The following IGF1R variants were observed in gnomAD, a reference collection of about 807,000 sequenced individuals.
IGF1R encodes the protein insulin-like growth factor 1 receptor.
IGF1R carries 44 observed loss-of-function variants against 144.6 expected under a neutral mutation model. That is an observed-to-expected ratio of 0.30 (90% CI 0.24 to 0.39). IGF1R has a LOEUF of 0.39. Among genes scored for constraint, IGF1R ranks in the 10% least tolerant of loss-of-function variants. IGF1R has a pLI of 1.00. For synonymous variants in IGF1R, 795 were observed against 722.8 expected, an observed-to-expected ratio of 1.10 and a Z score of -1.60; for missense variants, 1,355 against 1,833.7, an observed-to-expected ratio of 0.74 and a Z score of 4.77.
chr15:98,864,498 T>A (rs1228835820), intron 2 of IGF1R, among the ~76,000 whole-genome samples: 1 of 152,180 alleles, frequency 6.6e-6, no homozygotes, highest in African/African-American at 2.4e-5. Flanking sequence ...AAGTTAATGC[T>A]CCCACCTCAG....
chr15:98,924,444 C>T, intron 12 of IGF1R, 81 bp from the exon 13 acceptor site: 1 of 1,333,404 alleles, frequency 7.5e-7, no homozygotes, highest in Non-Finnish European at 1.1e-6. Flanking sequence ...GCTGGAGTCC[C>T]CAGTGTGGTG....
At chr15:98,827,556 T>G (rs1381605334) in intron 2 of IGF1R, among the ~76,000 whole-genome samples, 1 of 152,204 alleles carries the variant, frequency 6.6e-6, no homozygotes, top group Non-Finnish European at 1.5e-5. Context: ...TACCACTTCT[T>G]TTGTAATTGG....
intron 2 of IGF1R, among the ~76,000 whole-genome samples, chr15:98,881,514 G>T (rs1304253134): frequency 6.6e-6 from 1 of 152,172 alleles, no homozygotes; most frequent in African/African-American, 2.4e-5. Flanking sequence ...GTAGAGATCG[G>T]CTTTCACCAT....
Position 98,958,594 on chromosome 15 carries a change from G to A in IGF1R, c.*1152G>A, listed in dbSNP as rs142778685. 3.3e-3 allele frequency: 767 copies of A among 232,832 alleles called. 8 individuals carry two copies. Among genetic ancestry groups the A allele is most frequent in the African/African-American group, 0.016 (715 of 45,384 alleles). The allele number at this position is 232,832 out of a possible 1,614,324, so 14.4% of individuals were successfully genotyped here. ...CTCTGTTCCTAGGACTTCTTCATGG[G>A]TCTTACAGTTCTATGTTAGACCATG... On this transcript the variant is annotated 3_prime_UTR_variant, in exon 21 of 21. Transcript: ENST00000650285.
chr15:98,869,563 G>A (rs1009488829), intron 2 of IGF1R, among the ~76,000 whole-genome samples: 14 of 151,956 alleles, frequency 9.2e-5, no homozygotes, highest in Admixed American at 8.5e-4. Flanking sequence ...AGCCTCCCGA[G>A]TAGCTGGGAT....
Position 98,935,632 on chromosome 15 carries a change from G to A in IGF1R, c.3297+206G>A, listed in dbSNP as rs933939279. ...CTGATCTTCGTGAGGGGAACTTCCT[G>A]TTCCTTGGATCCCCTCTGCTAAGCC... On this transcript the variant is annotated intron_variant, in intron 17 of 20. Transcript: ENST00000650285. The surrounding 1 kb of genome is among the most constrained non-coding windows in gnomAD (Gnocchi z 4.2). 2.0e-5 allele frequency among the ~76,000 whole-genome samples: 3 copies of A among 152,142 alleles called. No homozygotes were observed. The highest frequency in any genetic ancestry group is 7.2e-5 in the African/African-American group (3 of 41,414).
chr15:98,847,417 A>G lies in IGF1R; in HGVS notation c.641-43908A>G, dbSNP rs1018158193. ...GATGTGGGCAGTGTACCATCTGGAA[A>G]GGAAAAGGCTTTGGAGCCAGGTAGT... On this transcript the variant is annotated intron_variant, in intron 2 of 20. Coordinates refer to ENST00000650285, the MANE Select transcript of IGF1R (RefSeq NM_000875.5). Among the ~76,000 whole-genome samples, 6 of 152,324 alleles carry G rather than the reference A, an allele frequency of 3.9e-5. No homozygotes were observed. In the East Asian group the frequency reaches 7.7e-4, roughly 20 times the overall value.
At chr15:98,743,677 A>G (rs1368003075) in intron 2 of IGF1R, among the ~76,000 whole-genome samples, 3 of 152,196 alleles carry the variant, frequency 2.0e-5, no homozygotes, top group African/African-American at 7.2e-5. Flanking sequence ...TCAGTGGGAG[A>G]TTAGTGTAGA....
intron 2 of IGF1R, among the ~76,000 whole-genome samples, chr15:98,728,015 T>G (rs1051214527): frequency 2.0e-5 from 3 of 150,002 alleles, no homozygotes; most frequent in African/African-American, 7.4e-5. Context: ...TTGTTTTTTT[T>G]TTTTTTTTTT....
Position 98,960,812 on chromosome 15 carries a change from T to C in IGF1R, c.*3370T>C. The C allele has an allele frequency of 4.3e-6, 1 of 233,502 alleles. No homozygotes were observed. Among genetic ancestry groups the C allele is most frequent in the East Asian group, 6.0e-5 (1 of 16,578 alleles). 14.5% of individuals were successfully genotyped at this position (233,502 alleles called of 1,614,324 possible). A position where few individuals can be genotyped will look rare whatever the true frequency, so the allele number is the denominator to read the frequency against. Reference sequence around the variant, plus strand: ...CCCCCTCCAGGCTGCCCTCTCAACTTCTCCCTCACCTCCTTCCCTAGGGGT... The same window carrying C: ...CCCCCTCCAGGCTGCCCTCTCAACTCCTCCCTCACCTCCTTCCCTAGGGGT... On this transcript the variant is annotated 3_prime_UTR_variant, in exon 21 of 21. Coordinates refer to ENST00000650285, the MANE Select transcript of IGF1R (RefSeq NM_000875.5).
At chr15:98,897,900 G>T (rs1029977058) in intron 4 of IGF1R, among the ~76,000 whole-genome samples, 2 of 151,562 alleles carry the variant, frequency 1.3e-5, no homozygotes, top group Non-Finnish European at 2.9e-5. Context: ...AGGAATTTTG[G>T]GGGGGGAATC....
intron 2 of IGF1R, among the ~76,000 whole-genome samples, chr15:98,879,095 A>T (rs2013236624): frequency 6.6e-6 from 1 of 152,120 alleles, no homozygotes; most frequent in African/African-American, 2.4e-5. Flanking sequence ...CAGAACGCCG[A>T]AGCAGGGCCG....
intron 10 of IGF1R, among the ~76,000 whole-genome samples, chr15:98,917,592 A>G (rs1247406235): frequency 6.6e-6 from 1 of 152,224 alleles, no homozygotes; most frequent in East Asian, 1.9e-4. Context: ...GTGTACATCA[A>G]CAGGTGAGTG....
intron 3 of IGF1R, among the ~76,000 whole-genome samples, chr15:98,896,083 T>C (rs1458167860): frequency 6.6e-6 from 1 of 152,140 alleles, no homozygotes; most frequent in Non-Finnish European, 1.5e-5. Flanking sequence ...AAACAAGAGC[T>C]CATTACAAAG....
At position 98,803,974 on chromosome 15, in the gene IGF1R, T is replaced by C. The variant is rs141244446; in HGVS notation, c.641-87351T>C. On this transcript the variant is annotated intron_variant, in intron 2 of 20. Transcript: ENST00000650285. ...ATACAGCTGGCAGCACGGGTTTGTT[T>C]GCACCAGCATCCCCACAAACATATG... 4.9e-3 allele frequency among the ~76,000 whole-genome samples: 747 copies of C among 152,372 alleles called. 5 individuals are homozygous for C. The highest frequency in any genetic ancestry group is 0.017 in the African/African-American group (716 of 41,586).
In IGF1R at chr15:98,704,080, C is replaced by T. The variant is rs1185086441; in HGVS notation, c.95-3482C>T. ...GTCCCCAGGGGAAAAAAGACCCTCCCGGCCCCCTTCAGCTGTGATGTGTCT... is the reference window on the plus strand; with the variant it reads ...GTCCCCAGGGGAAAAAAGACCCTCCTGGCCCCCTTCAGCTGTGATGTGTCT... On this transcript the variant is annotated intron_variant, in intron 1 of 20. Coordinates refer to ENST00000650285, the MANE Select transcript of IGF1R (RefSeq NM_000875.5). The surrounding 1 kb of genome is among the most constrained non-coding windows in gnomAD (Gnocchi z 4.9). Among the ~76,000 whole-genome samples, 5 of 152,156 alleles carry T rather than the reference C, an allele frequency of 3.3e-5. No individual in the cohort carries two copies. Among genetic ancestry groups the T allele is most frequent in the South Asian group, 2.1e-4 (1 of 4,816 alleles).
Position 98,896,866 on chromosome 15 carries a change from A to G in IGF1R, c.1063A>G (p.Ile355Val), listed in dbSNP as rs1330907250. ...TGCTCAGATGCTCCAAGGATGCACC[A>G]TCTTCAAGGGCAATTTGCTCATTAA... ...TSAQMLQGCT[I>V]FKGNLLINIR... The change falls in exon 4 of 21, where the codon ATC becomes GTC. Residue 355 changes from isoleucine to valine, a missense_variant. Around this residue, in one of 7 missense-constraint regions of IGF1R, gnomAD observed 880 missense variants for 1,202.7 expected, o/e 0.73. Coordinates refer to ENST00000650285, the MANE Select transcript of IGF1R (RefSeq NM_000875.5). 7 of 1,614,156 alleles carry G rather than the reference A, an allele frequency of 4.3e-6. No individual in the cohort carries two copies. The highest frequency in any genetic ancestry group is 5.9e-6 in the Non-Finnish European group (7 of 1,180,010).
chr15:98,732,188 C>T (rs2054510399), intron 2 of IGF1R, among the ~76,000 whole-genome samples: 1 of 152,098 alleles, frequency 6.6e-6, no homozygotes, highest in African/African-American at 2.4e-5. Context: ...CAAAGTGCCA[C>T]AGGAAGCAGG....
At chr15:98,689,359 C>G (rs902974050) in intron 1 of IGF1R, among the ~76,000 whole-genome samples, 3 of 151,528 alleles carry the variant, frequency 2.0e-5, no homozygotes, top group African/African-American at 7.3e-5. Flanking sequence ...CTGCCTCAGC[C>G]TCCCAAGTAG....
Sources: allele counts gnomAD v4.1 joint callset (sites outside exome capture counted in the v4.1 genomes callset), GRCh38; gene constraint gnomAD v4.1.1; regional missense constraint gnomAD v4.1.1; non-coding constraint Gnocchi (gnomAD v3.1); transcripts MANE v1.5; gene names NCBI Gene and HGNC (gene_info 2026-07-23, HGNC 2026-07-21).